Variants in NAALADL2 observed in about 807,000 individuals in gnomAD.
The protein encoded by NAALADL2 is inactive N-acetylated-alpha-linked acidic dipeptidase-like protein 2.
In NAALADL2, 76 loss-of-function variants were observed where a neutral mutation model predicts 87.2. That is an observed-to-expected ratio of 0.87 (90% CI 0.72 to 1.05). The LOEUF is 1.05. Ranked by LOEUF, NAALADL2 falls within the 50% of genes least tolerant of loss-of-function variation. The pLI, the probability that NAALADL2 is intolerant of heterozygous loss-of-function variation, is 0.00. For missense variants in NAALADL2, 1,089 were observed against 945.8 expected, an observed-to-expected ratio of 1.15 and a Z score of -1.99; for synonymous variants, 354 against 331.0, an observed-to-expected ratio of 1.07 and a Z score of -0.75.
chr3:174,518,666 A>G (rs1021000486), intron 1 of NAALADL2, among the ~76,000 whole-genome samples: 1 of 152,110 alleles, frequency 6.6e-6, no homozygotes, highest in Non-Finnish European at 1.5e-5. Context: ...TCCTCTTTAT[A>G]TTCCATGTTT....
intron 1 of NAALADL2, among the ~76,000 whole-genome samples, chr3:174,931,287 G>A (rs947318866): frequency 6.6e-6 from 1 of 152,208 alleles, no homozygotes; most frequent in Admixed American, 6.5e-5. Flanking sequence ...TTAAGATCAT[G>A]GGTTCTGGAG....
At chr3:174,637,246 T>G (rs1195751342) in intron 2 of NAALADL2, among the ~76,000 whole-genome samples, 2 of 152,000 alleles carry the variant, frequency 1.3e-5, no homozygotes, top group African/African-American at 4.8e-5. Context: ...AAGGTATAAG[T>G]TCTAATGTTT....
intron 1 of NAALADL2, among the ~76,000 whole-genome samples, chr3:174,466,389 C>A (rs1716537695): frequency 6.6e-6 from 1 of 151,916 alleles, no homozygotes; most frequent in Non-Finnish European, 1.5e-5. Flanking sequence ...GATTGGACCC[C>A]CCCTGGGTTA....
At chr3:175,635,853 G>T (rs957394582) in intron 11 of NAALADL2, among the ~76,000 whole-genome samples, 1 of 151,972 alleles carries the variant, frequency 6.6e-6, no homozygotes, top group African/African-American at 2.4e-5. Flanking sequence ...AATAACTCTA[G>T]GTCGACAGAT....
intron 10 of NAALADL2, among the ~76,000 whole-genome samples, chr3:175,590,707 T>C (rs1426203521): frequency 3.3e-5 from 5 of 152,164 alleles, no homozygotes; most frequent in African/African-American, 9.7e-5. Flanking sequence ...AGTCCCACTA[T>C]ATTGATTCAA....
chr3:174,696,542 G>A (rs487898), intron 2 of NAALADL2, among the ~76,000 whole-genome samples: 5 of 142,492 alleles, frequency 3.5e-5, no homozygotes, highest in East Asian at 2.0e-4. Context: ...TTTTCTCACC[G>A]CCTTTATTTT....
At chr3:175,066,566 C>T (rs73038490) in intron 1 of NAALADL2, among the ~76,000 whole-genome samples, 14,704 of 152,162 alleles carry the variant, frequency 0.097, 1,592 homozygotes, top group African/African-American at 0.27. Context: ...GTGGCTGTTA[C>T]ACAACTGCTC....
chr3:174,671,326 C>T (rs1726511765), intron 2 of NAALADL2, among the ~76,000 whole-genome samples: 1 of 152,044 alleles, frequency 6.6e-6, no homozygotes, highest in Admixed American at 6.6e-5. Flanking sequence ...AAGTGAAATG[C>T]TATCTCTTGG....
At chr3:174,558,493 G>A (rs1223464503) in intron 2 of NAALADL2, among the ~76,000 whole-genome samples, 2 of 152,096 alleles carry the variant, frequency 1.3e-5, no homozygotes, top group African/African-American at 4.8e-5. Context: ...GGTCCCATCT[G>A]GGGGTGATGG....
intron 9 of NAALADL2, among the ~76,000 whole-genome samples, chr3:175,504,563 GTTTCTCTCTCTCTCTC>G (rs1730005837): frequency 1.7e-5 from 1 of 59,674 alleles, no homozygotes; most frequent in Non-Finnish European, 3.7e-5. Flanking sequence ...GTCTCTCTCT[GTTTCTCTCTCTCTCTC>G]TCTCTCTCTC....
intron 10 of NAALADL2, among the ~76,000 whole-genome samples, chr3:175,614,492 G>A (rs1239786083): frequency 6.6e-6 from 1 of 152,166 alleles, no homozygotes; most frequent in African/African-American, 2.4e-5. Context: ...TGATAGCATT[G>A]TGACATTCTA....
At chr3:175,480,597 G>A (rs891238952) in intron 9 of NAALADL2, among the ~76,000 whole-genome samples, 1 of 151,802 alleles carries the variant, frequency 6.6e-6, no homozygotes, top group African/African-American at 2.4e-5. Flanking sequence ...GAATCTAAAT[G>A]AAAGGTATTA....
At chr3:174,878,106 T>C (rs1052692322) in intron 1 of NAALADL2, among the ~76,000 whole-genome samples, 1 of 152,080 alleles carries the variant, frequency 6.6e-6, no homozygotes, top group Non-Finnish European at 1.5e-5. Flanking sequence ...GATTTTGAAA[T>C]AGCTTTTCAA....
chr3:174,824,272 T>A (rs988384316), intron 3 of NAALADL2, among the ~76,000 whole-genome samples: 1 of 152,168 alleles, frequency 6.6e-6, no homozygotes, highest in Admixed American at 6.5e-5. Context: ...ATATAAGGAA[T>A]TATTTTATTT....
chr3:174,873,911 TAAATG>T (rs891640520), intron 1 of NAALADL2, among the ~76,000 whole-genome samples: 22 of 151,930 alleles, frequency 1.4e-4, no homozygotes, highest in African/African-American at 5.3e-4. Flanking sequence ...TGCCATCAAA[TAAATG>T]AAAAGGGTAT....
intron 11 of NAALADL2, among the ~76,000 whole-genome samples, chr3:175,664,127 C>T (rs1467407511): frequency 2.0e-5 from 3 of 151,976 alleles, no homozygotes; most frequent in Non-Finnish European, 2.9e-5. Context: ...TATTTTATGA[C>T]AGCTTTTAAT....
chr3:175,311,207 A>G (rs551235167), intron 4 of NAALADL2, among the ~76,000 whole-genome samples: 47 of 145,944 alleles, frequency 3.2e-4, no homozygotes, highest in African/African-American at 1.2e-3. Context: ...GGAACTATAT[A>G]CTCAATCTAG....
intron 1 of NAALADL2, among the ~76,000 whole-genome samples, chr3:174,958,967 C>T (rs915927936): frequency 2.0e-5 from 3 of 152,062 alleles, no homozygotes; most frequent in Non-Finnish European, 2.9e-5. Flanking sequence ...TAATTATTTC[C>T]GAAGTGTTGG....
chr3:175,603,892 G>A (rs1490804618), intron 10 of NAALADL2, among the ~76,000 whole-genome samples: 1 of 152,094 alleles, frequency 6.6e-6, no homozygotes, highest in East Asian at 1.9e-4. Context: ...TACTCAGGAG[G>A]CTGAGGTAGG....
Sources: allele counts gnomAD v4.1 joint callset (sites outside exome capture counted in the v4.1 genomes callset), GRCh38; gene constraint gnomAD v4.1.1; transcripts MANE v1.5; gene names NCBI Gene and HGNC (gene_info 2026-07-23, HGNC 2026-07-21).